Variants in ARHGEF4 observed in about 807,000 individuals in gnomAD.
ARHGEF4 encodes the protein APC-stimulated guanine nucleotide exchange factor 1.
In ARHGEF4, 119 loss-of-function variants were observed where a neutral mutation model predicts 162.0. The observed-to-expected ratio is 0.73, with a 90% CI of 0.63 to 0.86. The LOEUF is 0.86. Ranked by LOEUF, ARHGEF4 falls within the 40% of genes least tolerant of loss-of-function variation. ARHGEF4 has a pLI of 0.00. For missense variants in ARHGEF4, 2,488 were observed against 2,456.0 expected (o/e 1.01, Z -0.28); for synonymous variants, 1,014 against 979.9 (o/e 1.03, Z -0.65).
At chr2:130,962,749 C>T (rs1291283029) in intron 4 of ARHGEF4, among the ~76,000 whole-genome samples, 1 of 149,746 alleles carries the variant, frequency 6.7e-6, no homozygotes, top group Non-Finnish European at 1.5e-5. Flanking sequence ...ACTTCTGCTG[C>T]TTACACTAGA....
rs777551060 is a variant in ARHGEF4 at position 130,946,560 on chromosome 2, A to T, written c.3910A>T (p.Arg1304Ter). ...TCCAGAGTCTTTGAATCTCCCTAGAAGAAGCCATCCACTCTCCCAGAGTGC... is the reference window on the plus strand; with the variant it reads ...TCCAGAGTCTTTGAATCTCCCTAGATGAAGCCATCCACTCTCCCAGAGTGC... The part of the protein sequence containing the change: ...TSPESLNLPR[R>*]SHPLSQSAPT... Residue 1304 changes from arginine (R) to a stop codon, truncating the protein, a stop_gained, in exon 4 of 14, where the codon AGA (arginine) becomes TGA (stop). Transcript: ENST00000409359. LOFTEE classifies it high-confidence loss of function. The T allele has an allele frequency of 2.5e-6, 4 of 1,614,108 alleles. No individual in the cohort carries two copies. The highest frequency in any genetic ancestry group is 3.4e-6 in the Non-Finnish European group (4 of 1,179,972).
Position 130,915,155 on chromosome 2 carries a change from C to G in ARHGEF4, c.1209C>G (p.Pro403=). ...GTGGGGCTCCCCATCTGCAGGGTCCCTGCAAGCCTGGTGGGTTTCGCTTGC... is the reference window on the plus strand; with the variant it reads ...GTGGGGCTCCCCATCTGCAGGGTCCGTGCAAGCCTGGTGGGTTTCGCTTGC... ...FQSGAPHLQG[P]CKPGGFRLQR... The change falls in exon 2 of 14, where the codon CCC becomes CCG. Residue 403 remains proline (P), a synonymous_variant. Coordinates refer to ENST00000409359, the MANE Select transcript of ARHGEF4 (RefSeq NM_001367493.1). 1.3e-6 allele frequency: 2 copies of G among 1,550,652 alleles called. No individual in the cohort carries two copies. Among genetic ancestry groups the G allele is most frequent in the Non-Finnish European group, 1.7e-6 (2 of 1,147,012 alleles).
intron 4 of ARHGEF4, among the ~76,000 whole-genome samples, chr2:130,971,965 C>T (rs547917338): frequency 1.6e-4 from 25 of 152,254 alleles, no homozygotes; most frequent in African/African-American, 6.0e-4. Context: ...GCTGGGGGCC[C>T]CATAAGCCAG....
intron 5 of ARHGEF4, among the ~76,000 whole-genome samples, chr2:131,037,097 G>A (rs1254389238): frequency 1.3e-5 from 2 of 152,166 alleles, no homozygotes; most frequent in Admixed American, 6.5e-5. Flanking sequence ...GAATAACCCA[G>A]GGCTCTGTGC....
At chr2:131,009,464 TGC>T (rs1228252379) in intron 4 of ARHGEF4, among the ~76,000 whole-genome samples, 1 of 152,192 alleles carries the variant, frequency 6.6e-6, no homozygotes, top group Non-Finnish European at 1.5e-5. Context: ...GAATTGTTTC[TGC>T]TTCATTCACT....
chr2:130,985,870 C>T (rs532281787), intron 4 of ARHGEF4, among the ~76,000 whole-genome samples: 35 of 149,690 alleles, frequency 2.3e-4, no homozygotes, highest in East Asian at 7.9e-4. Context: ...GTTGTGTGTG[C>T]GTGGTGTGTA....
chr2:130,840,908 T>A (rs1239472519), intron 1 of ARHGEF4, among the ~76,000 whole-genome samples: 1 of 152,222 alleles, frequency 6.6e-6, no homozygotes, highest in Non-Finnish European at 1.5e-5. Flanking sequence ...CCAGCCTCCC[T>A]ACAACTCAAG....
At chr2:130,969,540 A>C (rs921611819) in intron 4 of ARHGEF4, among the ~76,000 whole-genome samples, 2 of 151,968 alleles carry the variant, frequency 1.3e-5, no homozygotes, top group Non-Finnish European at 2.9e-5. Context: ...TGGAGCTTGC[A>C]GTGAGCCGAG....
chr2:130,971,973 C>T (rs1395886472), intron 4 of ARHGEF4, among the ~76,000 whole-genome samples: 1 of 152,186 alleles, frequency 6.6e-6, no homozygotes. Context: ...CCCCATAAGC[C>T]AGGTACTAGG....
chr2:130,931,963 T>C (rs1243593003), intron 3 of ARHGEF4, among the ~76,000 whole-genome samples: 1 of 152,226 alleles, frequency 6.6e-6, no homozygotes, highest in Non-Finnish European at 1.5e-5. Flanking sequence ...AGTGAAGAAT[T>C]CATTGGCATT....
intron 4 of ARHGEF4, among the ~76,000 whole-genome samples, chr2:130,988,969 C>CT (rs1180045280): frequency 1.1e-4 from 14 of 131,954 alleles, no homozygotes; most frequent in East Asian, 4.4e-4. Context: ...TTTCTTTTTT[C>CT]TTTTTTTTTG....
rs757357947 is a variant in ARHGEF4 at position 131,040,347 on chromosome 2, C to T, written c.4569C>T (p.Tyr1523=). 6.8e-6 allele frequency: 11 copies of T among 1,612,260 alleles called. No homozygotes were observed. The East Asian group carries it at 8.9e-5, about 13-fold the overall frequency. Residue 1523 remains tyrosine (Y), a synonymous_variant, in exon 8 of 14, where the codon TAC becomes TAT. Transcript: ENST00000409359. ...TCTTCGGGAACATCGAGGACATCTA[C>T]CGCTGCCAGAAGGCCTTCGTGAAGG... is the stretch of plus-strand genomic sequence containing the variant. The part of the protein sequence containing the change: ...RTIFGNIEDI[Y]RCQKAFVKAL...
intron 1 of ARHGEF4, among the ~76,000 whole-genome samples, chr2:130,902,347 A>T (rs114238749): frequency 0.013 from 2,008 of 151,824 alleles, 44 homozygotes; most frequent in African/African-American, 0.046. Context: ...AAAGCTGGGC[A>T]CTTTGGGAGG....
intron 1 of ARHGEF4, among the ~76,000 whole-genome samples, chr2:130,855,672 A>G (rs970312338): frequency 6.6e-6 from 1 of 152,220 alleles, no homozygotes; most frequent in Non-Finnish European, 1.5e-5. Flanking sequence ...GGCCTCAGGC[A>G]GACCAAAGAA....
In ARHGEF4 at chr2:131,046,283, C is replaced by G; in HGVS notation, c.*94C>G. ...CCCACTCGGCCTGGCCTTCCTCTGC[C>G]TGCAAGTGAGCAGGGATGGGCTGGG... On this transcript the variant is annotated 3_prime_UTR_variant, in exon 14 of 14. Transcript: ENST00000409359. The G allele has an allele frequency of 2.3e-6, 3 of 1,323,184 alleles. No homozygotes were observed. The highest frequency in any genetic ancestry group is 2.1e-6 in the Non-Finnish European group (2 of 963,218). The allele number at this position is 1,323,184 out of a possible 1,614,324, so 82.0% of individuals were successfully genotyped here. A position where few individuals can be genotyped will look rare whatever the true frequency, so the allele number is the denominator to read the frequency against.
In ARHGEF4 at chr2:130,916,297, G is replaced by C. The variant is rs1574222642; in HGVS notation, c.2351G>C (p.Gly784Ala). ...PPQPPRGLRK[G>A]AQEPGKRPTF... Reference sequence around the variant, plus strand: ...CAGCCGCCACGCGGGCTCCGCAAGGGCGCGCAGGAGCCTGGGAAGCGCCCG... The same window carrying C: ...CAGCCGCCACGCGGGCTCCGCAAGGCCGCGCAGGAGCCTGGGAAGCGCCCG... Residue 784 changes from glycine (G) to alanine (A), a missense_variant, in exon 2 of 14, where the codon GGC becomes GCC. Gly to Ala is a moderately conservative substitution (Grantham distance 60). Coordinates refer to ENST00000409359, the MANE Select transcript of ARHGEF4 (RefSeq NM_001367493.1). 1 of 1,540,308 alleles carries C rather than the reference G, an allele frequency of 6.5e-7. No individual in the cohort carries two copies.
chr2:130,926,412 CT>C (rs1423893682), intron 2 of ARHGEF4, among the ~76,000 whole-genome samples: 1 of 152,090 alleles, frequency 6.6e-6, no homozygotes, highest in Non-Finnish European at 1.5e-5. Context: ...TGTTGACTCT[CT>C]TTTTTATTCA....
intron 1 of ARHGEF4, among the ~76,000 whole-genome samples, chr2:130,875,269 G>T (rs57189174): frequency 0.022 from 3,350 of 152,074 alleles, 114 homozygotes; most frequent in African/African-American, 0.076. Flanking sequence ...CAGATCGATG[G>T]CCCCACATCA....
At chr2:130,865,063 C>T (rs1682174886) in intron 1 of ARHGEF4, among the ~76,000 whole-genome samples, 1 of 152,174 alleles carries the variant, frequency 6.6e-6, no homozygotes, top group Admixed American at 6.5e-5. Flanking sequence ...TCCCTGTCCT[C>T]AGAGGAGGGA....
Sources: gnomAD v4.1 joint callset for allele counts (sites outside exome capture counted in the v4.1 genomes callset) on GRCh38, gnomAD v4.1.1 for gene constraint, MANE v1.5 for transcripts, NCBI Gene and HGNC (gene_info 2026-07-23, HGNC 2026-07-21) for gene names.